Variants in TCHH observed in about 807,000 individuals in gnomAD.
TCHH encodes the protein trichohyalin.
In TCHH, 6 loss-of-function variants were observed where a neutral mutation model predicts 6.3. The ratio of observed to expected loss-of-function variants is 0.95; its 90% CI spans 0.52 to 1.88. The LOEUF (loss-of-function observed/expected upper bound fraction) is 1.88. TCHH is among the 40% of genes most tolerant of loss of function. The pLI is 0.01. For synonymous variants in TCHH, 1,087 were observed against 963.6 expected (o/e 1.13, Z -2.37); for missense variants, 2,920 against 2,449.1 (o/e 1.19, Z -4.06).
Position 152,111,672 on chromosome 1 carries a change from G to C in TCHH, c.1545C>G (p.Arg515=), listed in dbSNP as rs770054167. The change falls in exon 3 of 3, where the codon CGC becomes CGG. Residue 515 remains arginine (R), a synonymous_variant. Transcript: ENST00000614923. Reference sequence around the variant, plus strand: ...CCTCCTGGCGCTTCAGCCGCTGCTCGCGCCTCTCCTCTTGCTCCCGCCTTA... The same window carrying C: ...CCTCCTGGCGCTTCAGCCGCTGCTCCCGCCTCTCCTCTTGCTCCCGCCTTA... The part of the protein sequence containing the change: ...QQLRREQEER[R]EQRLKRQEEE... The C allele has an allele frequency of 1.9e-6, 3 of 1,548,602 alleles. No individual in the cohort carries two copies. The South Asian group carries it at 3.4e-5, about 18-fold the overall frequency.
rs1218156044 is a variant in TCHH at position 152,110,977 on chromosome 1, T to G, written c.2240A>C (p.Gln747Pro). 4.3e-6 allele frequency: 7 copies of G among 1,613,514 alleles called. No homozygotes were observed. Among genetic ancestry groups the G allele is most frequent in the Non-Finnish European group, 5.9e-6 (7 of 1,180,028 alleles). The change falls in exon 3 of 3, where the codon CAA becomes CCA. Residue 747 changes from glutamine (Q) to proline (P), a missense_variant. Physicochemically the swap from Gln to Pro is moderately conservative, Grantham distance 76. Coordinates refer to ENST00000614923, the MANE Select transcript of TCHH (RefSeq NM_007113.4). ...EKRRRRESELQWQEEERAHRQ... is the reference protein window; with the variant it reads ...EKRRRRESELPWQEEERAHRQ... Reference sequence around the variant, plus strand: ...GTGAGCCCGTTCCTCCTCCTGCCATTGCAGCTCACTCTCCCGGCGCCGCCT... The same window carrying G: ...GTGAGCCCGTTCCTCCTCCTGCCATGGCAGCTCACTCTCCCGGCGCCGCCT...
At position 152,107,514 on chromosome 1, in the gene TCHH, T is replaced by C; in HGVS notation, c.5703A>G (p.Ile1901Met). The C allele has an allele frequency of 6.2e-7, 1 of 1,614,226 alleles. No individual in the cohort carries two copies. Among genetic ancestry groups the C allele is most frequent in the Non-Finnish European group, 8.5e-7 (1 of 1,180,032 alleles). Residue 1901 changes from isoleucine to methionine, a missense_variant, in exon 3 of 3, where the codon ATA becomes ATG. Physicochemically the swap from Ile to Met is conservative, Grantham distance 10 (BLOSUM62 1). Transcript: ENST00000614923. ...CATGGCCCTTCCCTTCTTGGGATTT[T>C]ATCTCCCCGACTTGGCGGTGCCTCT... is the stretch of plus-strand genomic sequence containing the variant. The part of the protein sequence containing the change: ...EEQRHRQVGE[I>M]KSQEGKGHGR...
chr1:152,110,617 T>C lies in TCHH; in HGVS notation c.2600A>G (p.Glu867Gly), dbSNP rs1376502139. The C allele has an allele frequency of 6.2e-7, 1 of 1,614,204 alleles. No homozygotes were observed. The highest frequency in any genetic ancestry group is 8.5e-7 in the Non-Finnish European group (1 of 1,180,038). ...QEDQERRRSQ[E>G]QRRDQKWRWQ... is the part of the protein sequence containing the mutation. ...CCTCCATTTTTGGTCGCGGCGCTGCTCCTGGCTTCGCCTCCTCTCCTGATC... is the reference window on the plus strand; with the variant it reads ...CCTCCATTTTTGGTCGCGGCGCTGCCCCTGGCTTCGCCTCCTCTCCTGATC... The change falls in exon 3 of 3, where the codon GAG becomes GGG. Residue 867 changes from glutamate to glycine, a missense_variant. Transcript: ENST00000614923.
intron 2 of TCHH, among the ~76,000 whole-genome samples, chr1:152,113,361 C>G (rs1658437823): frequency 1.3e-5 from 2 of 152,286 alleles, no homozygotes; most frequent in East Asian, 3.9e-4. Context: ...GCCTACGCAC[C>G]TTAGAGGCAG....
chr1:152,112,445 C>G lies in TCHH; in HGVS notation c.772G>C (p.Glu258Gln), dbSNP rs754243055. The G allele has an allele frequency of 6.2e-7, 1 of 1,613,720 alleles. No homozygotes were observed. The highest frequency in any genetic ancestry group is 1.3e-5 in the African/African-American group (1 of 74,844). Residue 258 changes from glutamate to glutamine, a missense_variant, in exon 3 of 3, where the codon GAG (glutamate) becomes CAG (glutamine). Glu to Gln is a conservative substitution (Grantham distance 29). Transcript: ENST00000614923. Reference protein sequence around the residue: ...KRETVLRKEEEKLQEEEPQRQ... With the variant: ...KRETVLRKEEQKLQEEEPQRQ... ...TGCGGCTCCTCTTCCTGCAACTTCT[C>G]TTCTTCCTTCCGGAGCACTGTCTCG...
chr1:152,111,940 C>G lies in TCHH; in HGVS notation c.1277G>C (p.Arg426Thr), dbSNP rs761333639. 6.4e-7 allele frequency: 1 copy of G among 1,552,610 alleles called. No individual in the cohort carries two copies. The highest frequency in any genetic ancestry group is 1.1e-5 in the South Asian group (1 of 89,354). Reference protein sequence around the residue: ...EQQLRREQQLRREQEEERHEQ... With the variant: ...EQQLRREQQLTREQEEERHEQ... ...GTGCCTCTCCTCCTCCTGCTCGCGC[C>G]TCAGCTGCTGCTCGCGCCTCAGCTG... The change falls in exon 3 of 3, where the codon AGG (arginine) becomes ACG (threonine). Residue 426 changes from arginine (R) to threonine (T), a missense_variant. Physicochemically the swap from Arg to Thr is moderately conservative, Grantham distance 71. Coordinates refer to ENST00000614923, the MANE Select transcript of TCHH (RefSeq NM_007113.4).
Position 152,107,269 on chromosome 1 carries a change from T to C in TCHH, c.*116A>G, listed in dbSNP as rs1658129883. The C allele has an allele frequency of 9.2e-7, 1 of 1,092,314 alleles. No individual in the cohort carries two copies. Among genetic ancestry groups the C allele is most frequent in the East Asian group, 2.4e-5 (1 of 41,230 alleles). The allele number at this position is 1,092,314 out of a possible 1,614,324, so 67.7% of individuals were successfully genotyped here. A position where few individuals can be genotyped will look rare whatever the true frequency, so the allele number is the denominator to read the frequency against. On this transcript the variant is annotated 3_prime_UTR_variant, in exon 3 of 3. Coordinates refer to ENST00000614923, the MANE Select transcript of TCHH (RefSeq NM_007113.4). ...TAAGATTTTGGAAGAAAAGACATTC[T>C]AATATCAGAGAGTTTTCCCACAACC...
At position 152,109,017 on chromosome 1, in the gene TCHH, G is replaced by C. The variant is rs1339704520; in HGVS notation, c.4200C>G (p.Arg1400=). The change falls in exon 3 of 3, where the codon CGC becomes CGG. Residue 1400 remains arginine (R), a synonymous_variant. Transcript: ENST00000614923. The stretch of plus-strand genomic sequence containing the variant: ...GCAGCTGTTGCTCGCGCTCCTGGCA[G>C]CGCAGCTGCTGTTCCTCCTTAAGGA... The part of the protein sequence containing the change: ...RKFLKEEQQL[R]CQEREQQLRQ... 1 of 1,612,478 alleles carries C rather than the reference G, an allele frequency of 6.2e-7. No individual in the cohort carries two copies. Among genetic ancestry groups the C allele is most frequent in the Non-Finnish European group, 8.5e-7 (1 of 1,179,566 alleles).
At chr1:152,113,870 T>G in intron 2 of TCHH, 73 bp downstream of exon 2, 1 of 1,547,824 alleles carries the variant, frequency 6.5e-7, no homozygotes, top group Non-Finnish European at 8.7e-7. Flanking sequence ...CCACCATTCC[T>G]TGCTCTGGTC....
At position 152,110,540 on chromosome 1, in the gene TCHH, G is replaced by C; in HGVS notation, c.2677C>G (p.Pro893Ala). 6.2e-7 allele frequency: 1 copy of C among 1,614,114 alleles called. No individual in the cohort carries two copies. Among genetic ancestry groups the C allele is most frequent in the Non-Finnish European group, 8.5e-7 (1 of 1,180,016 alleles). ...KRRRHTLYAK[P>A]ALQEQLRKEQ... ...TTCCTCAGCTGCTCTTGTAGGGCTG[G>C]CTTGGCGTACAGCGTGTGGCGGCGT... The change falls in exon 3 of 3, where the codon CCA becomes GCA. Residue 893 changes from proline (P) to alanine (A), a missense_variant. Transcript: ENST00000614923.
rs1328759988 is a variant in TCHH at position 152,112,320 on chromosome 1, C to T, written c.897G>A (p.Arg299=). Residue 299 remains arginine, a synonymous_variant, in exon 3 of 3, where the codon AGG becomes AGA. Coordinates refer to ENST00000614923, the MANE Select transcript of TCHH (RefSeq NM_007113.4). ...ERQEEEQQQQ[R]LRREQQLRRK... is the part of the protein sequence containing the mutation. ...GCCTTAGTTGCTGCTCGCGCCTCAGCCTTTGCTGCTGCTGCTCTTCCTCCT... is the reference window on the plus strand; with the variant it reads ...GCCTTAGTTGCTGCTCGCGCCTCAGTCTTTGCTGCTGCTGCTCTTCCTCCT... 1.2e-6 allele frequency: 2 copies of T among 1,612,300 alleles called. No homozygotes were observed. Among genetic ancestry groups the T allele is most frequent in the Non-Finnish European group, 1.7e-6 (2 of 1,179,902 alleles).
chr1:152,112,283 C>T lies in TCHH; in HGVS notation c.934G>A (p.Glu312Lys), dbSNP rs1557813042. The T allele has an allele frequency of 1.3e-6, 2 of 1,599,438 alleles. No homozygotes were observed. The highest frequency in any genetic ancestry group is 1.7e-4 in the Middle Eastern group (1 of 5,992). ...TCCTCCTGCTGCTCGCGCCTCTCCT[C>T]CTCCTGCTTGCGCCTTAGTTGCTGC... ...REQQLRRKQE[E>K]ERREQQEERR... Residue 312 changes from glutamate to lysine, a missense_variant, in exon 3 of 3, where the codon GAG (glutamate) becomes AAG (lysine). Physicochemically the swap from Glu to Lys is moderately conservative, Grantham distance 56. Coordinates refer to ENST00000614923, the MANE Select transcript of TCHH (RefSeq NM_007113.4).
chr1:152,111,176 G>A lies in TCHH; in HGVS notation c.2041C>T (p.Arg681Cys), dbSNP rs748557293. ...RLKREHEEERREQELAEEEQE... is the reference protein window; with the variant it reads ...RLKREHEEERCEQELAEEEQE... ...TCCTCCTCAGCTAGCTCCTGCTCGC[G>A]CCTCTCTTCCTCATGCTCGCGCTTC... The change falls in exon 3 of 3, where the codon CGC (arginine) becomes TGC (cysteine). Residue 681 changes from arginine (R) to cysteine (C), a missense_variant. Coordinates refer to ENST00000614923, the MANE Select transcript of TCHH (RefSeq NM_007113.4). 6.2e-7 allele frequency: 1 copy of A among 1,613,498 alleles called. No individual in the cohort carries two copies. The highest frequency in any genetic ancestry group is 1.1e-5 in the South Asian group (1 of 91,040).
rs757699851 is a variant in TCHH, at chr1:152,108,221, C to T, written c.4996G>A (p.Asp1666Asn). 1.9e-6 allele frequency: 3 copies of T among 1,606,196 alleles called. No individual in the cohort carries two copies. The African/African-American group carries it at 4.2e-5, about 22-fold the overall frequency. ...EREQQLRHDR[D>N]RKFREEEQLL... is the part of the protein sequence containing the mutation. ...TGTTCCTCTTCACGGAATTTTCTGT[C>T]GCGGTCGTGACGCAGCTGTTGTTCG... Residue 1666 changes from aspartate to asparagine, a missense_variant, in exon 3 of 3, where the codon GAC becomes AAC. By Grantham distance (23) the Asp-to-Asn change is conservative (BLOSUM62 1). Coordinates refer to ENST00000614923, the MANE Select transcript of TCHH (RefSeq NM_007113.4).
At chr1:152,114,152 C>T in intron 1 of TCHH, 41 bp from the exon 2 acceptor site, 1 of 1,455,758 alleles carries the variant, frequency 6.9e-7, no homozygotes, top group Non-Finnish European at 9.1e-7. Flanking sequence ...AATCCCGTTT[C>T]TGCTTTTGGG....
rs562841669 is a variant in TCHH, at chr1:152,110,705, C to G, written c.2512G>C (p.Glu838Gln). ...EKELQFLEEE[E>Q]QLQRRERAQQ... ...GCACGCTCCCGCCGCTGGAGCTGCT[C>G]CTCTTCCTCCAGGAACTGCAGCTCT... The change falls in exon 3 of 3, where the codon GAG (glutamate) becomes CAG (glutamine). Residue 838 changes from glutamate to glutamine, a missense_variant. Transcript: ENST00000614923. The G allele has an allele frequency of 9.7e-5, 156 of 1,612,286 alleles. 2 individuals are homozygous for G. In the South Asian group the frequency reaches 1.6e-3, roughly 17 times the overall value.
In TCHH at chr1:152,110,033, G is replaced by C. The variant is rs200965312; in HGVS notation, c.3184C>G (p.Gln1062Glu). The change falls in exon 3 of 3, where the codon CAG becomes GAG. Residue 1062 changes from glutamine to glutamate, a missense_variant. By Grantham distance (29) the Gln-to-Glu change is conservative. Transcript: ENST00000614923. ...GTCTCCCGTTCCTCTCCCAGCAGCT[G>C]CTCTTCCTCCTGCTGCAGCTCCTCT... ...EEEELQQEEE[Q>E]LLGEERETRR... 2.7e-4 allele frequency: 431 copies of C among 1,606,484 alleles called. No homozygotes were observed. Among genetic ancestry groups the C allele is most frequent in the Non-Finnish European group, 3.3e-4 (389 of 1,177,502 alleles).
At position 152,111,192 on chromosome 1, in the gene TCHH, C is replaced by T. The variant is rs185807166; in HGVS notation, c.2025G>A (p.Glu675=). ...EERLEQRLKR[E]HEEERREQEL... is the part of the protein sequence containing the mutation. ...CCTGCTCGCGCCTCTCTTCCTCATGCTCGCGCTTCAGCCGCTGCTCGAGCC... is the reference window on the plus strand; with the variant it reads ...CCTGCTCGCGCCTCTCTTCCTCATGTTCGCGCTTCAGCCGCTGCTCGAGCC... Residue 675 remains glutamate (E), a synonymous_variant, in exon 3 of 3, where the codon GAG becomes GAA. Transcript: ENST00000614923. 1,290 of 1,611,560 alleles carry T rather than the reference C, an allele frequency of 8.0e-4. 13 individuals are homozygous for T. In the African/African-American group the frequency reaches 0.011, roughly 14 times the overall value.
Position 152,106,759 on chromosome 1 carries a change from C to G in TCHH, c.*626G>C, listed in dbSNP as rs1658116725. On this transcript the variant is annotated 3_prime_UTR_variant, in exon 3 of 3. Coordinates refer to ENST00000614923, the MANE Select transcript of TCHH (RefSeq NM_007113.4). The stretch of plus-strand genomic sequence containing the variant: ...AAATCTAATTTAAATTCTAAATCTT[C>G]AAAGCTAAACCTATTCTTAACAGAT... 6.6e-6 allele frequency: 1 copy of G among 152,150 alleles called. No individual in the cohort carries two copies. The highest frequency in any genetic ancestry group is 2.4e-5 in the African/African-American group (1 of 41,432). The allele number at this position is 152,150 out of a possible 1,614,324, so 9.4% of individuals were successfully genotyped here.
Sources: allele counts gnomAD v4.1 joint callset (sites outside exome capture counted in the v4.1 genomes callset), GRCh38; gene constraint gnomAD v4.1.1; transcripts MANE v1.5; gene names NCBI Gene and HGNC (gene_info 2026-07-23, HGNC 2026-07-21).